C8orf34: variants seen among roughly 807,000 people sequenced by gnomAD.
C8orf34 encodes the protein uncharacterized protein C8orf34.
In C8orf34, 65 loss-of-function variants were observed where a neutral mutation model predicts 68.3. The observed-to-expected ratio is 0.95, with a 90% CI of 0.78 to 1.17. C8orf34 has a LOEUF of 1.17. C8orf34 is among the 50% of genes most tolerant of loss of function. C8orf34 has a pLI of 0.00. For synonymous variants in C8orf34, 244 were observed against 241.2 expected, an observed-to-expected ratio of 1.01 and a Z score of -0.11; for missense variants, 664 against 655.4, an observed-to-expected ratio of 1.01 and a Z score of -0.14.
chr8:68,639,743 T>C (rs1376889519), intron 7 of C8orf34, among the ~76,000 whole-genome samples: 1 of 152,124 alleles, frequency 6.6e-6, no homozygotes, highest in African/African-American at 2.4e-5. Context: ...TCATTCTTGA[T>C]TAAGGACCTG....
chr8:68,556,294 C>CT (rs201095460), intron 7 of C8orf34, among the ~76,000 whole-genome samples: 4,199 of 105,716 alleles, frequency 0.04, 213 homozygotes, highest in African/African-American at 0.12. Context: ...AGGAGGGAAT[C>CT]TTTTTTTTTT....
At chr8:68,669,917 T>C (rs1175039486) in intron 8 of C8orf34, among the ~76,000 whole-genome samples, 1 of 152,176 alleles carries the variant, frequency 6.6e-6, no homozygotes, top group Non-Finnish European at 1.5e-5. Flanking sequence ...CAAATGTTTT[T>C]TTGTTGTTGA....
chr8:68,498,077 C>T (rs190826649), intron 5 of C8orf34, among the ~76,000 whole-genome samples: 37 of 152,248 alleles, frequency 2.4e-4, no homozygotes, highest in African/African-American at 8.7e-4. Flanking sequence ...ATCCACCTGC[C>T]TCAGCCTCCC....
chr8:68,613,746 A>G (rs142527211), intron 7 of C8orf34, among the ~76,000 whole-genome samples: 6,468 of 151,868 alleles, frequency 0.043, 153 homozygotes, highest in Middle Eastern at 0.088. Context: ...GCTGCAATAA[A>G]TATACATGTG....
At chr8:68,723,504 A>C (rs1821740721) in intron 10 of C8orf34, among the ~76,000 whole-genome samples, 1 of 152,120 alleles carries the variant, frequency 6.6e-6, no homozygotes, top group Non-Finnish European at 1.5e-5. Flanking sequence ...TGGTTGGAAA[A>C]AATATTATTT....
intron 1 of C8orf34, among the ~76,000 whole-genome samples, chr8:68,401,505 T>C (rs879927598): frequency 6.6e-6 from 1 of 152,142 alleles, no homozygotes; most frequent in African/African-American, 2.4e-5. Flanking sequence ...TAATGTTGGC[T>C]TTGGGTTTCT....
intron 10 of C8orf34, among the ~76,000 whole-genome samples, chr8:68,728,118 G>T (rs750737845): frequency 6.6e-5 from 10 of 152,194 alleles, no homozygotes; most frequent in Middle Eastern, 6.8e-3. Flanking sequence ...TGAATACTTT[G>T]CTGCTTTGAA....
intron 7 of C8orf34, among the ~76,000 whole-genome samples, chr8:68,571,552 T>A (rs1298116944): frequency 2.5e-4 from 1 of 3,940 alleles, no homozygotes; most frequent in Non-Finnish European, 4.6e-4. Context: ...CTGTGCTTAT[T>A]GTGTTGTTGG....
At chr8:68,513,984 T>C (rs1331121228) in intron 5 of C8orf34, among the ~76,000 whole-genome samples, 1 of 152,200 alleles carries the variant, frequency 6.6e-6, no homozygotes, top group African/African-American at 2.4e-5. Context: ...TGAATCCCCA[T>C]TTTACTCACC....
chr8:68,493,611 A>G (rs1586253671), intron 5 of C8orf34, among the ~76,000 whole-genome samples: 1 of 152,242 alleles, frequency 6.6e-6, no homozygotes, highest in Non-Finnish European at 1.5e-5. Flanking sequence ...ACCATCTGTT[A>G]TGGTTTGAAT....
intron 7 of C8orf34, among the ~76,000 whole-genome samples, chr8:68,573,308 C>A (rs1384240940): frequency 6.6e-6 from 1 of 152,024 alleles, no homozygotes; most frequent in Non-Finnish European, 1.5e-5. Flanking sequence ...TGAGATGAGG[C>A]CTTTGAAGTC....
intron 5 of C8orf34, among the ~76,000 whole-genome samples, chr8:68,497,859 G>A (rs975705263): frequency 4.6e-5 from 7 of 151,966 alleles, no homozygotes; most frequent in Non-Finnish European, 1.0e-4. Flanking sequence ...ATGGAGTTTC[G>A]CTCTTGTTGC....
At chr8:68,646,043 G>C (rs915586671) in intron 8 of C8orf34, among the ~76,000 whole-genome samples, 1 of 152,026 alleles carries the variant, frequency 6.6e-6, no homozygotes, top group African/African-American at 2.4e-5. Flanking sequence ...GGGTCTTTAG[G>C]CCTCTATTCC....
At chr8:68,446,490 C>T (rs1302401572) in intron 3 of C8orf34, 30 bp downstream of exon 3, 1 of 1,591,884 alleles carries the variant, frequency 6.3e-7, no homozygotes, top group Non-Finnish European at 8.5e-7. Flanking sequence ...AAATGCTATT[C>T]AAAGCATGTA....
At chr8:68,427,294 C>G (rs2129624378) in intron 1 of C8orf34, among the ~76,000 whole-genome samples, 1 of 152,144 alleles carries the variant, frequency 6.6e-6, no homozygotes, top group East Asian at 1.9e-4. Flanking sequence ...ACCAAAGGTC[C>G]TTTAAAGGTT....
At chr8:68,466,759 A>ATC (rs1812162212) in intron 3 of C8orf34, among the ~76,000 whole-genome samples, 1 of 118,038 alleles carries the variant, frequency 8.5e-6, no homozygotes, top group Non-Finnish European at 1.9e-5. Context: ...ATATATATAT[A>ATC]TATATAGATG....
intron 7 of C8orf34, among the ~76,000 whole-genome samples, chr8:68,571,623 T>C (rs1307877099): frequency 7.2e-5 from 11 of 152,148 alleles, no homozygotes; most frequent in African/African-American, 2.4e-4. Flanking sequence ...GAGGAAAAAT[T>C]CTTTTGGTGT....
rs112440317 is a variant in C8orf34, at chr8:68,761,501, C to T, written c.1405-14898C>T. On this transcript the variant is annotated intron_variant, in intron 10 of 13. Transcript: ENST00000518698. ...TGACTCTCTGAAACAAACAAAAAAC[C>T]GTCTAATTTCCTTTCCATCTTTTAA... Among the ~76,000 whole-genome samples, 308 of 152,260 alleles carry T rather than the reference C, an allele frequency of 2.0e-3. 3 individuals are homozygous for T. The highest frequency in any genetic ancestry group is 7.2e-3 in the African/African-American group (299 of 41,550).
intron 1 of C8orf34, among the ~76,000 whole-genome samples, chr8:68,385,930 C>T (rs1390157253): frequency 1.3e-5 from 2 of 152,144 alleles, no homozygotes; most frequent in Non-Finnish European, 2.9e-5. Flanking sequence ...GACAGGATTT[C>T]TCACTGTTGC....
Sources: gnomAD v4.1 joint callset for allele counts (sites outside exome capture counted in the v4.1 genomes callset) on GRCh38, gnomAD v4.1.1 for gene constraint, MANE v1.5 for transcripts, NCBI Gene and HGNC (gene_info 2026-07-23, HGNC 2026-07-21) for gene names.